REV3L: variants seen among roughly 807,000 people sequenced by gnomAD.
REV3L encodes DNA polymerase zeta catalytic subunit.
Under a neutral mutation model 299.4 loss-of-function variants are expected in REV3L, and 69 were observed. The observed-to-expected ratio is 0.23, with a 90% CI of 0.19 to 0.28. The LOEUF is 0.28. Ranked by LOEUF, REV3L falls within the 10% of genes least tolerant of loss-of-function variation. The pLI is 1.00. For synonymous variants in REV3L, 1,238 were observed against 1,271.4 expected (o/e 0.97, Z 0.56); for missense variants, 3,128 against 3,693.8 (o/e 0.85, Z 3.97).
Position 111,367,712 on chromosome 6 carries a change from T to C in REV3L, c.6076A>G (p.Lys2026Glu). The change falls in exon 14 of 32, where the codon AAG becomes GAG. Residue 2026 changes from lysine (K) to glutamate (E), a missense_variant. Coordinates refer to ENST00000368802, the MANE Select transcript of REV3L (RefSeq NM_001372078.1). ...YERSKKLPKT[K>E]PTGVVKSAEN... The stretch of plus-strand genomic sequence containing the variant: ...GCAGATTTTACAACTCCAGTTGGCT[T>C]GGTTTTAGGCAGTTTCTTGGAACGT... The C allele has an allele frequency of 6.2e-7, 1 of 1,614,228 alleles. No homozygotes were observed. Among genetic ancestry groups the C allele is most frequent in the Non-Finnish European group, 8.5e-7 (1 of 1,180,040 alleles).
intron 21 of REV3L, among the ~76,000 whole-genome samples, chr6:111,338,541 A>G (rs1776173268): frequency 6.6e-6 from 1 of 151,300 alleles, no homozygotes; most frequent in Non-Finnish European, 1.5e-5. Context: ...GTTAATATAC[A>G]TAACTGTTAC....
intron 4 of REV3L, among the ~76,000 whole-genome samples, chr6:111,399,752 AC>A (rs1484201032): frequency 2.6e-5 from 4 of 151,518 alleles, no homozygotes; most frequent in Admixed American, 2.0e-4. Context: ...GCCACATGAC[AC>A]CCACATGACA....
chr6:111,423,541 T>G (rs528922301), intron 1 of REV3L, among the ~76,000 whole-genome samples: 5 of 151,854 alleles, frequency 3.3e-5, no homozygotes, highest in Non-Finnish European at 7.4e-5. Context: ...AAAAACAGTG[T>G]GTGTGTGTGT....
chr6:111,333,809 C>T (rs1157476412), intron 22 of REV3L, among the ~76,000 whole-genome samples: 1 of 151,984 alleles, frequency 6.6e-6, no homozygotes, highest in Non-Finnish European at 1.5e-5. Context: ...CTTTCAGATG[C>T]GAAAAGGGAT....
intron 24 of REV3L, chr6:111,330,262 C>T (rs1164389975): frequency 4.4e-6 from 2 of 453,440 alleles, no homozygotes; most frequent in Non-Finnish European, 8.9e-6. Flanking sequence ...TATTTCAAAT[C>T]TGATGCTTAG....
At position 111,342,532 on chromosome 6, in the gene REV3L, G is replaced by A. The variant is rs140280517; in HGVS notation, c.7538+1393C>T. Among the ~76,000 whole-genome samples, 288 of 152,142 alleles carry A rather than the reference G, an allele frequency of 1.9e-3. 1 individual carries two copies. Among genetic ancestry groups the A allele is most frequent in the African/African-American group, 6.2e-3 (259 of 41,522 alleles). On this transcript the variant is annotated intron_variant, in intron 21 of 31. Coordinates refer to ENST00000368802, the MANE Select transcript of REV3L (RefSeq NM_001372078.1). ...AAATACAAAAAATTAGCCAGTTGTC[G>A]TGGCGGGCGCCTGTAGTCCCAGGTA...
intron 1 of REV3L, among the ~76,000 whole-genome samples, chr6:111,473,694 T>G (rs1333773399): frequency 6.6e-6 from 1 of 152,100 alleles, no homozygotes; most frequent in African/African-American, 2.4e-5. Context: ...TATGTGCAGT[T>G]CTTTTAATAA....
chr6:111,358,643 T>C (rs933704895), intron 17 of REV3L, among the ~76,000 whole-genome samples, 179 bp downstream of exon 17: 37 of 152,106 alleles, frequency 2.4e-4, no homozygotes, highest in African/African-American at 8.7e-4. Flanking sequence ...TTCTGACTAA[T>C]CCAAGTAAGA....
intron 21 of REV3L, among the ~76,000 whole-genome samples, chr6:111,336,458 T>C (rs2114858739): frequency 6.6e-6 from 1 of 152,060 alleles, no homozygotes; most frequent in African/African-American, 2.4e-5. Flanking sequence ...TAATGCTTAA[T>C]AGAAAAACTA....
chr6:111,403,454 G>A (rs564931648), intron 4 of REV3L, among the ~76,000 whole-genome samples: 18 of 152,214 alleles, frequency 1.2e-4, no homozygotes, highest in Non-Finnish European at 2.1e-4. Flanking sequence ...ATTTTTACAA[G>A]AGCATGTGTT....
chr6:111,419,117 G>T (rs1364911537), intron 1 of REV3L, among the ~76,000 whole-genome samples: 1 of 152,142 alleles, frequency 6.6e-6, no homozygotes, highest in Non-Finnish European at 1.5e-5. Flanking sequence ...ATCCAAATCT[G>T]TAGTCACTCT....
chr6:111,352,645 G>T (rs549578233), intron 18 of REV3L, among the ~76,000 whole-genome samples: 1 of 152,166 alleles, frequency 6.6e-6, no homozygotes, highest in Non-Finnish European at 1.5e-5. Context: ...TAAGGCCTAA[G>T]TAATGACAAG....
At chr6:111,349,150 A>G in intron 20 of REV3L, 68 bp downstream of exon 20, 1 of 828,298 alleles carries the variant, frequency 1.2e-6, no homozygotes, top group Non-Finnish European at 2.0e-6. Flanking sequence ...CTAATACTCT[A>G]TAATGATTAA....
chr6:111,444,951 G>A (rs981114872), intron 1 of REV3L, among the ~76,000 whole-genome samples: 7 of 152,192 alleles, frequency 4.6e-5, no homozygotes, highest in Admixed American at 2.0e-4. Context: ...TGGCCAAAGC[G>A]AAGGAGATTT....
intron 30 of REV3L, among the ~76,000 whole-genome samples, chr6:111,308,629 A>G (rs1042667505): frequency 3.9e-5 from 6 of 152,156 alleles, no homozygotes. Flanking sequence ...GTAATTCTTT[A>G]CTCTGGTTTC....
intron 1 of REV3L, among the ~76,000 whole-genome samples, chr6:111,447,994 T>A (rs2128313730): frequency 6.6e-6 from 1 of 152,328 alleles, no homozygotes; most frequent in African/African-American, 2.4e-5. Context: ...ATTAAAAATT[T>A]TACTTTAATT....
chr6:111,373,526 C>G lies in REV3L; in HGVS notation c.4829G>C (p.Ser1610Thr), dbSNP rs775136010. The G allele has an allele frequency of 3.7e-6, 6 of 1,613,222 alleles. No homozygotes were observed. Among genetic ancestry groups the G allele is most frequent in the Non-Finnish European group, 5.1e-6 (6 of 1,179,818 alleles). Residue 1610 changes from serine to threonine, a missense_variant, in exon 13 of 32, where the codon AGC becomes ACC. Ser to Thr is a moderately conservative substitution (Grantham distance 58). Transcript: ENST00000368802. ...KVDSLNLQNS[S>T]QLDNSVSDDS... ...ATCTGATACAGAGTTATCCAACTGG[C>G]TAGAGTTTTGTAAATTTAAAGAGTC...
At chr6:111,345,903 G>A (rs184773806) in intron 20 of REV3L, among the ~76,000 whole-genome samples, 1 of 151,868 alleles carries the variant, frequency 6.6e-6, no homozygotes, top group East Asian at 1.9e-4. Flanking sequence ...AATCTCAAAT[G>A]GGCTCTTAAT....
intron 1 of REV3L, among the ~76,000 whole-genome samples, chr6:111,417,625 G>C (rs1784909827): frequency 6.6e-6 from 1 of 152,094 alleles, no homozygotes; most frequent in African/African-American, 2.4e-5. Context: ...TCCCATTTAT[G>C]ATTTAGAATG....
Sources: gnomAD v4.1 joint callset for allele counts (sites outside exome capture counted in the v4.1 genomes callset) on GRCh38, gnomAD v4.1.1 for gene constraint, MANE v1.5 for transcripts, NCBI Gene and HGNC (gene_info 2026-07-23, HGNC 2026-07-21) for gene names.